CASD1: variants seen among roughly 807,000 people sequenced by gnomAD.
The protein encoded by CASD1 is CAS1 domain sialic acid O acetyltransferase 1.
CASD1 carries 41 observed loss-of-function variants against 100.0 expected under a neutral mutation model. The ratio of observed to expected loss-of-function variants is 0.41; its 90% confidence interval spans 0.32 to 0.53. The LOEUF is 0.53. Ranked by LOEUF, CASD1 falls within the 20% of genes least tolerant of loss-of-function variation. The pLI is 0.25. For missense variants in CASD1, 774 were observed against 948.7 expected, an observed-to-expected ratio of 0.82 and a Z score of 2.42; for synonymous variants, 321 against 315.6, an observed-to-expected ratio of 1.02 and a Z score of -0.18.
chr7:94,549,449 C>T (rs7801436), intron 13 of CASD1, 84 bp from the exon 14 acceptor site: 701,819 of 903,064 alleles, frequency 0.78, 276,718 homozygotes, highest in East Asian at 1. Flanking sequence ...ATCCAAACTT[C>T]AGAAAACTAT....
the CASD1 span, among the ~76,000 whole-genome samples, chr7:94,608,656 T>C: frequency 6.6e-6 from 1 of 152,150 alleles, no homozygotes; most frequent in Non-Finnish European, 1.5e-5. Flanking sequence ...GGACTGACAC[T>C]ACCCAACATC....
Position 94,535,392 on chromosome 7 carries a change from A to C in CASD1, c.712A>C (p.Ser238Arg). ...KIDAYNEAAV[S>R]ILNSSTRNSK... is the part of the protein sequence containing the mutation. ...AGATGCTTACAATGAAGCTGCAGTCAGTATTTTGAATAGTAGCACCAGAAA... is the reference window on the plus strand; with the variant it reads ...AGATGCTTACAATGAAGCTGCAGTCCGTATTTTGAATAGTAGCACCAGAAA... The change falls in exon 8 of 18, where the codon AGT (serine) becomes CGT (arginine). Residue 238 changes from serine (S) to arginine (R), a missense_variant. This residue lies in a region of CASD1 where 453 missense variants were observed against 532.6 expected (regional missense o/e 0.85). Coordinates refer to ENST00000297273, the MANE Select transcript of CASD1 (RefSeq NM_022900.5). The C allele has an allele frequency of 6.2e-7, 1 of 1,613,380 alleles. No individual in the cohort carries two copies. The highest frequency in any genetic ancestry group is 8.5e-7 in the Non-Finnish European group (1 of 1,179,466).
the CASD1 span, chr7:94,620,914 C>T: frequency 7.9e-5 from 12 of 152,204 alleles, no homozygotes; most frequent in Admixed American, 5.9e-4. Flanking sequence ...TGGGGAAATC[C>T]CATGCCTGCT....
the CASD1 span, chr7:94,587,434 C>T: frequency 5.1e-6 from 6 of 1,168,194 alleles, no homozygotes; most frequent in Non-Finnish European, 6.3e-6. Flanking sequence ...AGATAGAAAT[C>T]TTAGGCGAGA....
chr7:94,558,043 T>A (rs144452809), downstream of CASD1, among the ~76,000 whole-genome samples: 29 of 152,302 alleles, frequency 1.9e-4, no homozygotes, highest in African/African-American at 6.5e-4. Flanking sequence ...TTTTCTGTAA[T>A]AGAAATCACA....
rs1302742948 is a variant in CASD1, at chr7:94,545,661, T to A, written c.1593T>A (p.Thr531=). Reference sequence around the variant, plus strand: ...TATGGTTCATGGTCATATATGTTACTTTAGCACTATGGCCACAAATAATCC... The same window carrying A: ...TATGGTTCATGGTCATATATGTTACATTAGCACTATGGCCACAAATAATCC... The part of the protein sequence containing the change: ...VTVWFMVIYV[T]LALWPQIIQK... The change falls in exon 12 of 18, where the codon ACT becomes ACA. Residue 531 remains threonine (T), a synonymous_variant. Transcript: ENST00000297273. The A allele has an allele frequency of 6.2e-7, 1 of 1,607,222 alleles. No individual in the cohort carries two copies. The highest frequency in any genetic ancestry group is 1.1e-5 in the South Asian group (1 of 89,968).
At chr7:94,544,350 A>G (rs1192480322) in intron 10 of CASD1, 61 bp from the exon 11 acceptor site, 14 of 1,584,966 alleles carry the variant, frequency 8.8e-6, no homozygotes, top group African/African-American at 2.7e-5. Context: ...TGTACTTGTT[A>G]TGATAATCCA....
the CASD1 span, among the ~76,000 whole-genome samples, chr7:94,607,771 CCTAA>C: frequency 6.6e-6 from 1 of 152,180 alleles, no homozygotes; most frequent in African/African-American, 2.4e-5. Context: ...TACTGGAAGT[CCTAA>C]CTAATGTAAT....
At chr7:94,555,107 A>G (rs201876199) in intron 17 of CASD1, among the ~76,000 whole-genome samples, 3 of 152,126 alleles carry the variant, frequency 2.0e-5, no homozygotes, top group East Asian at 1.9e-4. Context: ...TTTAAAATGT[A>G]TTCTGAGTAG....
intron 10 of CASD1, among the ~76,000 whole-genome samples, chr7:94,544,115 T>C (rs116002337): frequency 0.015 from 2,214 of 152,292 alleles, 48 homozygotes; most frequent in African/African-American, 0.05. Flanking sequence ...ATCTCATTCA[T>C]CCTTCACAAG....
the CASD1 span, chr7:94,625,469 T>G: frequency 6.6e-6 from 1 of 152,088 alleles, no homozygotes; most frequent in Non-Finnish European, 1.5e-5. Context: ...ACCATCCCAG[T>G]ACATGTGTTT....
chr7:94,544,580 G>A (rs757503554), intron 11 of CASD1, 50 bp downstream of exon 11: 1 of 1,572,594 alleles, frequency 6.4e-7, no homozygotes, highest in Non-Finnish European at 8.6e-7. Context: ...ATACTTTCTT[G>A]AGAAAGCATT....
rs556138418 is a variant in CASD1 at position 94,546,533 on chromosome 7, T to TA, written c.1634-562dup. 5.9e-5 allele frequency among the ~76,000 whole-genome samples: 9 copies of TA among 152,146 alleles called. No homozygotes were observed. In the South Asian group the frequency reaches 1.9e-3, roughly 31 times the overall value. Reference sequence around the variant, plus strand: ...AGGTCTAGCCTCTATTAAAGTCCAGTAGTGTCTTTGGACAGCCTCTGTAGT... The same window carrying TA: ...AGGTCTAGCCTCTATTAAAGTCCAGTAAGTGTCTTTGGACAGCCTCTGTAGT... On this transcript the variant is annotated intron_variant, in intron 12 of 17. Transcript: ENST00000297273.
the CASD1 span, among the ~76,000 whole-genome samples, chr7:94,564,130 A>T: frequency 6.6e-6 from 1 of 152,218 alleles, no homozygotes; most frequent in Admixed American, 6.5e-5. Context: ...TGTCTCTTTC[A>T]TGTGAATGCA....
At chr7:94,625,800 CT>C in the CASD1 span, 1 of 151,914 alleles carries the variant, frequency 6.6e-6, no homozygotes, top group Non-Finnish European at 1.5e-5. Context: ...ACTTTTGGGT[CT>C]CTATTGTTTT....
At chr7:94,591,012 C>G in the CASD1 span, 7 of 152,156 alleles carry the variant, frequency 4.6e-5, no homozygotes, top group South Asian at 1.5e-3. Context: ...AACTCTAACA[C>G]AATTTGAGGA....
intron 3 of CASD1, among the ~76,000 whole-genome samples, chr7:94,525,443 AT>A (rs1006561092): frequency 1.3e-5 from 2 of 152,140 alleles, no homozygotes; most frequent in Non-Finnish European, 2.9e-5. Flanking sequence ...CAGTGCTCTG[AT>A]TTGTATCATG....
intron 3 of CASD1, among the ~76,000 whole-genome samples, chr7:94,519,149 G>A (rs774145967): frequency 5.0e-4 from 76 of 151,952 alleles, no homozygotes; most frequent in Admixed American, 1.5e-3. Flanking sequence ...GAAATTTCTC[G>A]TTTAAAAATA....
At chr7:94,623,341 A>G in the CASD1 span, 2 of 1,596,918 alleles carry the variant, frequency 1.3e-6, no homozygotes, top group South Asian at 1.1e-5. Flanking sequence ...CAGACATTAT[A>G]TTAATTATCA....
Sources: allele counts gnomAD v4.1 joint callset (sites outside exome capture counted in the v4.1 genomes callset), GRCh38; gene constraint gnomAD v4.1.1; regional missense constraint gnomAD v4.1.1; transcripts MANE v1.5; gene names NCBI Gene and HGNC (gene_info 2026-07-23, HGNC 2026-07-21).